The following ZNF708 variants were observed in gnomAD, a reference collection of about 807,000 sequenced individuals.
ZNF708 encodes ZNF15, ZNF15L1.
In ZNF708, 44 loss-of-function variants were observed where a neutral mutation model predicts 47.0. The observed-to-expected ratio is 0.94, with a 90% CI of 0.74 to 1.20. The LOEUF is 1.20. Among genes scored for constraint, ZNF708 ranks in the 50% most tolerant of loss-of-function variants. The pLI, the probability that ZNF708 is intolerant of heterozygous loss-of-function variation, is 0.00. For synonymous variants in ZNF708, 184 were observed against 218.5 expected (o/e 0.84, Z 1.39); for missense variants, 557 against 656.0 (o/e 0.85, Z 1.65).
At chr19:21,306,703 G>A (rs1476392845) in intron 3 of ZNF708, 1 of 152,120 alleles carries the variant, frequency 6.6e-6, no homozygotes, top group Non-Finnish European at 1.5e-5. Context: ...CTAGCACTTT[G>A]CGAGACCGAG....
chr19:21,321,066 G>A lies in ZNF708; in HGVS notation c.3+8144C>T, dbSNP rs530162709. On this transcript the variant is annotated intron_variant, in intron 1 of 3. Transcript: ENST00000356929. ...TGAGGCAGGAGAATGGTGTGAATCC[G>A]GGAGGCGGAGCTTGCAGTGAGCAGA... is the stretch of plus-strand genomic sequence containing the variant. Among the ~76,000 whole-genome samples, 28 of 151,430 alleles carry A rather than the reference G, an allele frequency of 1.8e-4. No homozygotes were observed. In the South Asian group the frequency reaches 4.8e-3, roughly 26 times the overall value.
chr19:21,307,134 A>G (rs1315606862), intron 3 of ZNF708, among the ~76,000 whole-genome samples: 1 of 129,050 alleles, frequency 7.7e-6, no homozygotes, highest in Non-Finnish European at 1.7e-5. Flanking sequence ...AATAAAAAAT[A>G]AAATAAAATA....
At chr19:21,323,890 G>A (rs1365473849) in intron 1 of ZNF708, among the ~76,000 whole-genome samples, 1 of 152,176 alleles carries the variant, frequency 6.6e-6, no homozygotes, top group Non-Finnish European at 1.5e-5. Flanking sequence ...TTAGCTCTGA[G>A]CCAGTGGGCT....
intron 3 of ZNF708, among the ~76,000 whole-genome samples, chr19:21,305,288 C>T (rs576850696): frequency 1.3e-5 from 2 of 151,916 alleles, no homozygotes; most frequent in East Asian, 3.9e-4. Flanking sequence ...GGATTACAGG[C>T]GTGAGACACT....
chr19:21,307,074 AT>A (rs1972790115), intron 3 of ZNF708: 1 of 146,698 alleles, frequency 6.8e-6, no homozygotes, highest in Non-Finnish European at 1.5e-5. Flanking sequence ...AAAATATAAA[AT>A]AAAATAAAAT....
In ZNF708 at chr19:21,317,075, C is replaced by A. The variant is rs577555742; in HGVS notation, c.4-6448G>T. ...GTGCTGGGATTACAGGTGTGAGCCA[C>A]CGTGCTCAGCCTTTGGTGAAACCCC... On this transcript the variant is annotated intron_variant, in intron 1 of 3. Coordinates refer to ENST00000356929, the MANE Select transcript of ZNF708 (RefSeq NM_021269.3). Among the ~76,000 whole-genome samples the A allele has an allele frequency of 4.6e-4, 70 of 151,702 alleles. No homozygotes were observed. The South Asian group carries it at 5.4e-3, about 12-fold the overall frequency.
In ZNF708 at chr19:21,329,240, C is replaced by CT. The variant is rs2145195246; in HGVS notation, c.-29dup. ...CTAGGCTTCCAGAGGGTCCTGGAGT[C>CT]TTAGCTGTGGATCTCCCAATACCTG... On this transcript the variant is annotated 5_prime_UTR_variant, in exon 1 of 4. Coordinates refer to ENST00000356929, the MANE Select transcript of ZNF708 (RefSeq NM_021269.3). The CT allele has an allele frequency of 6.2e-7, 1 of 1,610,760 alleles. No homozygotes were observed. The highest frequency in any genetic ancestry group is 2.2e-5 in the East Asian group (1 of 44,766).
intron 1 of ZNF708, among the ~76,000 whole-genome samples, chr19:21,320,923 C>T (rs560067538): frequency 2.5e-4 from 38 of 151,830 alleles, no homozygotes; most frequent in African/African-American, 8.2e-4. Flanking sequence ...GGGTGGATCA[C>T]GAGGTCAGGA....
At chr19:21,316,434 A>C (rs1308897457) in intron 1 of ZNF708, among the ~76,000 whole-genome samples, 1 of 151,708 alleles carries the variant, frequency 6.6e-6, no homozygotes, top group Non-Finnish European at 1.5e-5. Flanking sequence ...CAAAGTTTTC[A>C]TTTTTTCCAA....
At position 21,294,330 on chromosome 19, in the gene ZNF708, C is replaced by T. The variant is rs191052060; in HGVS notation, c.636G>A (p.Thr212=). 9.7e-5 allele frequency: 148 copies of T among 1,523,062 alleles called. No homozygotes were observed. The East Asian group carries it at 3.5e-3, about 36-fold the overall frequency. The allele number at this position is 1,523,062 out of a possible 1,614,324, so 94.3% of individuals were successfully genotyped here. Reference sequence around the variant, plus strand: ...CTCCAGTATGAATTATCTTATGATTCGTAAGGTTTGAGGACTTTTTAAAAG... The same window carrying T: ...CTCCAGTATGAATTATCTTATGATTTGTAAGGTTTGAGGACTTTTTAAAAG... ...GKAFKKSSNL[T]NHKIIHTGEK... The change falls in exon 4 of 4, where the codon ACG becomes ACA. Residue 212 remains threonine (T), a synonymous_variant. Coordinates refer to ENST00000356929, the MANE Select transcript of ZNF708 (RefSeq NM_021269.3).
At position 21,310,632 on chromosome 19, in the gene ZNF708, A is replaced by G. The variant is rs780631694; in HGVS notation, c.4-5T>C. ...ATCCATAAATGTCAATGGTCCCTGAAAAACACATACACACACACATATTTA... is the reference window on the plus strand; with the variant it reads ...ATCCATAAATGTCAATGGTCCCTGAGAAACACATACACACACACATATTTA... On this transcript the variant is annotated splice_polypyrimidine_tract_variant and splice_region_variant and intron_variant, in intron 1 of 3. Coordinates refer to ENST00000356929, the MANE Select transcript of ZNF708 (RefSeq NM_021269.3). 7.9e-6 allele frequency: 12 copies of G among 1,520,434 alleles called. No individual in the cohort carries two copies. Among genetic ancestry groups the G allele is most frequent in the Non-Finnish European group, 9.7e-6 (11 of 1,133,708 alleles). The allele number at this position is 1,520,434 out of a possible 1,614,324, so 94.2% of individuals were successfully genotyped here. A position where few individuals can be genotyped will look rare whatever the true frequency, so the allele number is the denominator to read the frequency against.
intron 1 of ZNF708, among the ~76,000 whole-genome samples, chr19:21,312,067 G>A (rs182970676): frequency 6.6e-6 from 1 of 152,228 alleles, no homozygotes; most frequent in Admixed American, 6.5e-5. Flanking sequence ...GGCCAAGGGG[G>A]GTGGATCTTC....
intron 1 of ZNF708, among the ~76,000 whole-genome samples, chr19:21,314,988 G>A (rs1972974228): frequency 6.6e-6 from 1 of 152,128 alleles, no homozygotes; most frequent in African/African-American, 2.4e-5. Flanking sequence ...GAACTGCCCT[G>A]GTTGAGCTCC....
chr19:21,328,832 T>C (rs1973313307), intron 1 of ZNF708, among the ~76,000 whole-genome samples: 1 of 152,066 alleles, frequency 6.6e-6, no homozygotes, highest in South Asian at 2.1e-4. Flanking sequence ...TAGGAGAAAA[T>C]AGGAACCGGG....
chr19:21,318,672 G>C (rs553509776), intron 1 of ZNF708: 3 of 152,166 alleles, frequency 2.0e-5, no homozygotes, highest in Non-Finnish European at 4.4e-5. Flanking sequence ...GCCATTGAAT[G>C]GGGGTTCCAT....
chr19:21,306,082 TTAAC>T (rs1972758538), intron 3 of ZNF708, among the ~76,000 whole-genome samples: 1 of 152,142 alleles, frequency 6.6e-6, no homozygotes, highest in Non-Finnish European at 1.5e-5. Flanking sequence ...AAAATATGGT[TTAAC>T]TAAATACTTA....
At chr19:21,323,333 A>G (rs1205020437) in intron 1 of ZNF708, among the ~76,000 whole-genome samples, 1 of 152,204 alleles carries the variant, frequency 6.6e-6, no homozygotes, top group Non-Finnish European at 1.5e-5. Context: ...CTTCTTAAGG[A>G]AACTTTACTT....
chr19:21,297,270 ATTTT>A (rs1157234305), intron 3 of ZNF708, among the ~76,000 whole-genome samples: 12 of 46,664 alleles, frequency 2.6e-4, no homozygotes, highest in South Asian at 9.7e-4. Context: ...ATATATATAT[ATTTT>A]TTTTTTTTTT....
At chr19:21,323,316 TA>T (rs1682817263) in intron 1 of ZNF708, among the ~76,000 whole-genome samples, 1 of 152,174 alleles carries the variant, frequency 6.6e-6, no homozygotes, top group African/African-American at 2.4e-5. Context: ...GTGGTGAAAA[TA>T]AAATACTTCT....
Sources: allele counts gnomAD v4.1 joint callset (sites outside exome capture counted in the v4.1 genomes callset), GRCh38; gene constraint gnomAD v4.1.1; transcripts MANE v1.5; gene names NCBI Gene and HGNC (gene_info 2026-07-23, HGNC 2026-07-21).